DLX3: variants seen among roughly 807,000 people sequenced by gnomAD.
DLX3 encodes the protein homeobox protein DLX-3.
Under a neutral mutation model 28.0 loss-of-function variants are expected in DLX3, and 9 were observed. The ratio of observed to expected loss-of-function variants is 0.32; its 90% CI spans 0.19 to 0.56. The LOEUF (loss-of-function observed/expected upper bound fraction) is 0.56. Among genes scored for constraint, DLX3 ranks in the 20% least tolerant of loss-of-function variants. The probability of loss-of-function intolerance (pLI) is 0.91; values close to 1 mark genes in which losing one functional copy is unlikely to be tolerated. For missense variants in DLX3, 313 were observed against 378.2 expected (o/e 0.83, Z 1.43); for synonymous variants, 154 against 167.9 (o/e 0.92, Z 0.64).
rs1906072266 is a variant in DLX3, at chr17:49,991,186, C to T, written c.*331G>A. ...AAGGTCTCCAGTCTGGGAACAGGCA[C>T]TAAGTTTAAGAAGCTGGAAGATGAT... is the stretch of plus-strand genomic sequence containing the variant. On this transcript the variant is annotated 3_prime_UTR_variant, in exon 3 of 3. Coordinates refer to ENST00000434704, the MANE Select transcript of DLX3 (RefSeq NM_005220.3). The T allele has an allele frequency of 1.7e-5, 5 of 287,024 alleles. No individual in the cohort carries two copies. The highest frequency in any genetic ancestry group is 2.6e-5 in the Non-Finnish European group (4 of 153,542). 17.8% of individuals were successfully genotyped at this position (287,024 alleles called of 1,614,324 possible).
At chr17:49,994,048 AG>A (rs1339024232) in intron 1 of DLX3, among the ~76,000 whole-genome samples, 4 of 152,100 alleles carry the variant, frequency 2.6e-5, no homozygotes, top group Admixed American at 2.6e-4. Flanking sequence ...AAAAGTTGCA[AG>A]GATAGTGCAG....
rs748768238 is a variant in DLX3 at position 49,991,541 on chromosome 17, C to T, written c.840G>A (p.Pro280=). Reference sequence around the variant, plus strand: ...CTCAGTACACAGCCCCAGGGTTGGGCGGGGGCCCGGGAGAGGCATGGTGCA... The same window carrying T: ...CTCAGTACACAGCCCCAGGGTTGGGTGGGGGCCCGGGAGAGGCATGGTGCA... ...ATLHHASPGP[P]PNPGAVY is the part of the protein sequence containing the mutation. The change falls in exon 3 of 3, where the codon CCG becomes CCA. Residue 280 remains proline, a synonymous_variant. Transcript: ENST00000434704. 6.2e-6 allele frequency: 10 copies of T among 1,607,036 alleles called. No homozygotes were observed. Among genetic ancestry groups the T allele is most frequent in the Non-Finnish European group, 7.6e-6 (9 of 1,179,150 alleles).
At position 49,991,678 on chromosome 17, in the gene DLX3, G is replaced by A. The variant is rs1906095498; in HGVS notation, c.703C>T (p.Leu235Phe). The A allele has an allele frequency of 2.5e-6, 4 of 1,612,660 alleles. No individual in the cohort carries two copies. The African/African-American group carries it at 4.0e-5, about 16-fold the overall frequency. ...TAGCTGGGGGAGGCACTGTATGGGA[G>A]CGGCGGGGGCAGCTGACTGCGGGCA... ...APARSQLPPPLPYSASPSYLD... is the reference protein window; with the variant it reads ...APARSQLPPPFPYSASPSYLD... Residue 235 changes from leucine to phenylalanine, a missense_variant, in exon 3 of 3, where the codon CTC (leucine) becomes TTC (phenylalanine). Around this residue, in one of 3 missense-constraint regions of DLX3, gnomAD observed 120 missense variants for 145.4 expected, o/e 0.83. Transcript: ENST00000434704.
Position 49,991,609 on chromosome 17 carries a change from T to G in DLX3, c.772A>C (p.Ser258Arg). The G allele has an allele frequency of 6.2e-7, 1 of 1,613,486 alleles. No homozygotes were observed. The highest frequency in any genetic ancestry group is 8.5e-7 in the Non-Finnish European group (1 of 1,179,986). Residue 258 changes from serine to arginine, a missense_variant, in exon 3 of 3, where the codon AGT becomes CGT. Coordinates refer to ENST00000434704, the MANE Select transcript of DLX3 (RefSeq NM_005220.3). ...GGCTGCTGCTGTAAGTGGGGTCCAC[T>G]CAGGTTCTGTGCGTGATACCAGGAG... Reference protein sequence around the residue: ...TNSWYHAQNLSGPHLQQQPPQ... With the variant: ...TNSWYHAQNLRGPHLQQQPPQ...
intron 2 of DLX3, 38 bp from the exon 3 acceptor site, chr17:49,991,902 C>A: frequency 6.3e-7 from 1 of 1,594,236 alleles, no homozygotes; most frequent in South Asian, 1.1e-5. Flanking sequence ...GTTAGCCTCT[C>A]AGAATGCTAA....
chr17:49,991,424 C>T lies in DLX3; in HGVS notation c.*93G>A. ...GAGGGGGAAAGGGAGTTCCTTTTCC[C>T]TGTGCTCCTCGATGATTCCTGAGTG... On this transcript the variant is annotated 3_prime_UTR_variant, in exon 3 of 3. Coordinates refer to ENST00000434704, the MANE Select transcript of DLX3 (RefSeq NM_005220.3). 8.6e-7 allele frequency: 1 copy of T among 1,158,228 alleles called. No individual in the cohort carries two copies. Among genetic ancestry groups the T allele is most frequent in the Non-Finnish European group, 1.2e-6 (1 of 833,962 alleles). 71.7% of individuals were successfully genotyped at this position (1,158,228 alleles called of 1,614,324 possible).
rs546133632 is a variant in DLX3, at chr17:49,995,223, C to T, written c.-225G>A. 8.8e-5 allele frequency: 54 copies of T among 614,186 alleles called. 1 individual carries two copies. Among genetic ancestry groups the T allele is most frequent in the Middle Eastern group, 8.8e-4 (2 of 2,270 alleles). The allele number at this position is 614,186 out of a possible 1,614,324, so 38.0% of individuals were successfully genotyped here. A position where few individuals can be genotyped will look rare whatever the true frequency, so the allele number is the denominator to read the frequency against. ...TCGCGTCCCAAGCCACAATCAAATG[C>T]TGCCAGCTCCGCCCGGCCAGCCGGT... On this transcript the variant is annotated 5_prime_UTR_variant, in exon 1 of 3. Coordinates refer to ENST00000434704, the MANE Select transcript of DLX3 (RefSeq NM_005220.3).
chr17:49,994,907 G>C lies in DLX3; in HGVS notation c.92C>G (p.Thr31Ser), dbSNP rs758662303. The change falls in exon 1 of 3, where the codon ACC (threonine) becomes AGC (serine). Residue 31 changes from threonine (T) to serine (S), a missense_variant. Physicochemically the swap from Thr to Ser is moderately conservative, Grantham distance 58 (BLOSUM62 1). Coordinates refer to ENST00000434704, the MANE Select transcript of DLX3 (RefSeq NM_005220.3). ...SCHAGSKDSP[T>S]LPESSVTDLG... ...GTCAGTGACAGAAGACTCGGGCAGG[G>C]TAGGCGAGTCCTTGGAGCCCGCATG... is the stretch of plus-strand genomic sequence containing the variant. The C allele has an allele frequency of 3.7e-6, 6 of 1,614,184 alleles. No individual in the cohort carries two copies. Among genetic ancestry groups the C allele is most frequent in the Middle Eastern group, 3.3e-4 (2 of 6,058 alleles).
rs369379332 is a variant in DLX3, at chr17:49,991,622, G to A, written c.759C>T (p.His253=). 74 of 1,613,618 alleles carry A rather than the reference G, an allele frequency of 4.6e-5. No individual in the cohort carries two copies. The highest frequency in any genetic ancestry group is 1.6e-4 in the Middle Eastern group (1 of 6,082). ...AGTGGGGTCCACTCAGGTTCTGTGC[G>A]TGATACCAGGAGTTGGTGGGGTCGT... ...YLDDPTNSWY[H]AQNLSGPHLQ... The change falls in exon 3 of 3, where the codon CAC becomes CAT. Residue 253 remains histidine (H), a synonymous_variant. Transcript: ENST00000434704.
rs1290770803 is a variant in DLX3 at position 49,991,464 on chromosome 17, G to A, written c.*53C>T. 4.5e-5 allele frequency: 66 copies of A among 1,467,778 alleles called. No individual in the cohort carries two copies. Among genetic ancestry groups the A allele is most frequent in the African/African-American group, 6.9e-5 (5 of 72,198 alleles). The allele number at this position is 1,467,778 out of a possible 1,614,324, so 90.9% of individuals were successfully genotyped here. On this transcript the variant is annotated 3_prime_UTR_variant, in exon 3 of 3. Transcript: ENST00000434704. ...ATTCCTGAGTGGCTAGGACGGAGGC[G>A]CCTTCTGCCTGGTCCTGGGGTCCTT...
chr17:49,993,764 A>G, intron 1 of DLX3, 174 bp from the exon 2 acceptor site: 2 of 591,522 alleles, frequency 3.4e-6, no homozygotes, highest in Non-Finnish European at 2.6e-6. Flanking sequence ...CCCCAGAGCC[A>G]GAACTGGCCG....
chr17:49,993,366 G>A (rs1408651872), intron 2 of DLX3, 34 bp downstream of exon 2: 18 of 1,531,644 alleles, frequency 1.2e-5, no homozygotes, highest in Non-Finnish European at 1.5e-5. Context: ...GGGGTCCCGC[G>A]CGCCCCCGCG....
chr17:49,992,299 C>T (rs1208087639), intron 2 of DLX3, among the ~76,000 whole-genome samples: 1 of 152,166 alleles, frequency 6.6e-6, no homozygotes, highest in Non-Finnish European at 1.5e-5. Context: ...ATTTCATTCA[C>T]ATTAGACACC....
chr17:49,992,464 A>G (rs560282888), intron 2 of DLX3, among the ~76,000 whole-genome samples: 4 of 152,238 alleles, frequency 2.6e-5, no homozygotes, highest in South Asian at 2.1e-4. Context: ...CCACAACATG[A>G]GCACCCACAT....
chr17:49,993,643 C>T (rs1384194986), intron 1 of DLX3, 53 bp from the exon 2 acceptor site: 6 of 1,589,332 alleles, frequency 3.8e-6, no homozygotes, highest in Non-Finnish European at 5.1e-6. Flanking sequence ...CGGCCTGCGA[C>T]TCCTGCGACC....
At position 49,994,915 on chromosome 17, in the gene DLX3, G is replaced by A. The variant is rs372377623; in HGVS notation, c.84C>T (p.Asp28=). The A allele has an allele frequency of 6.2e-6, 10 of 1,614,054 alleles. No individual in the cohort carries two copies. The African/African-American group carries it at 8.0e-5, about 13-fold the overall frequency. ...CAGAAGACTCGGGCAGGGTAGGCGA[G>A]TCCTTGGAGCCCGCATGGCAGCTAA... ...SSLSCHAGSK[D]SPTLPESSVT... Residue 28 remains aspartate, a synonymous_variant, in exon 1 of 3, where the codon GAC becomes GAT. Transcript: ENST00000434704.
rs1294661490 is a variant in DLX3, at chr17:49,990,302, A to AC, written c.*1214_*1215insG. The AC allele has an allele frequency of 6.6e-6, 1 of 151,820 alleles. No individual in the cohort carries two copies. Among genetic ancestry groups the AC allele is most frequent in the African/African-American group, 2.4e-5 (1 of 41,326 alleles). The allele number at this position is 151,820 out of a possible 1,614,324, so 9.4% of individuals were successfully genotyped here. A position where few individuals can be genotyped will look rare whatever the true frequency, so the allele number is the denominator to read the frequency against. ...TCTCTCTGTTGCTCTTAAAAAAAAAAAACTTACTATATATTTATATATATA... is the reference window on the plus strand; with the variant it reads ...TCTCTCTGTTGCTCTTAAAAAAAAAACAACTTACTATATATTTATATATATA... On this transcript the variant is annotated 3_prime_UTR_variant, in exon 3 of 3. Transcript: ENST00000434704.
chr17:49,994,524 C>T, intron 1 of DLX3, 150 bp downstream of exon 1: 6 of 910,744 alleles, frequency 6.6e-6, no homozygotes, highest in Non-Finnish European at 9.8e-6. Context: ...GTCGCCTGGT[C>T]CCTCTGAGGG....
At chr17:49,994,644 C>T (rs764983810) in intron 1 of DLX3, 30 bp downstream of exon 1, 2 of 1,613,208 alleles carry the variant, frequency 1.2e-6, no homozygotes, top group South Asian at 1.1e-5. Flanking sequence ...CCAGTGTCTC[C>T]CACTGTCCTC....
Sources: gnomAD v4.1 joint callset for allele counts (sites outside exome capture counted in the v4.1 genomes callset) on GRCh38, gnomAD v4.1.1 for gene constraint, gnomAD v4.1.1 regional missense constraint, MANE v1.5 for transcripts, NCBI Gene and HGNC (gene_info 2026-07-23, HGNC 2026-07-21) for gene names.